ARB2A: variants seen among roughly 807,000 people sequenced by gnomAD.
ARB2A encodes ARB2 cotranscriptional regulator A, also known as cotranscriptional regulator ARB2A.
the ARB2A span, among the ~76,000 whole-genome samples, chr5:94,048,457 T>C: frequency 6.6e-6 from 1 of 152,194 alleles, no homozygotes; most frequent in East Asian, 1.9e-4. Flanking sequence ...ATTCTTTAAC[T>C]GTCAGATTTT....
chr5:93,886,438 G>T, the ARB2A span, among the ~76,000 whole-genome samples: 3 of 151,684 alleles, frequency 2.0e-5, no homozygotes, highest in Non-Finnish European at 4.4e-5. Context: ...TTTGAAAGAA[G>T]ATAGGTGCTC....
the ARB2A span, among the ~76,000 whole-genome samples, chr5:93,721,015 G>A: frequency 6.6e-6 from 1 of 151,984 alleles, no homozygotes; most frequent in South Asian, 2.1e-4. Context: ...TGTTGTGAAA[G>A]GCACAATTTT....
At chr5:93,687,885 A>G in the ARB2A span, among the ~76,000 whole-genome samples, 403 of 152,242 alleles carry the variant, frequency 2.6e-3, 2 homozygotes, top group African/African-American at 9.4e-3. Flanking sequence ...TCAGATTGCA[A>G]TCTTCCCTTT....
chr5:94,075,706 C>T, the ARB2A span, among the ~76,000 whole-genome samples: 9 of 152,108 alleles, frequency 5.9e-5, no homozygotes, highest in African/African-American at 2.2e-4. Flanking sequence ...TTCAGCAGTA[C>T]ATTTTATAAT....
At chr5:93,850,941 A>G in the ARB2A span, among the ~76,000 whole-genome samples, 1 of 152,188 alleles carries the variant, frequency 6.6e-6, no homozygotes, top group Admixed American at 6.5e-5. Flanking sequence ...TATATTTTCT[A>G]TTAAGTATGT....
the ARB2A span, among the ~76,000 whole-genome samples, chr5:94,010,418 G>T: frequency 6.6e-6 from 1 of 152,092 alleles, no homozygotes; most frequent in Admixed American, 6.5e-5. Flanking sequence ...TACATTTTAT[G>T]ACTTTAATCC....
the ARB2A span, among the ~76,000 whole-genome samples, chr5:93,708,802 C>A: frequency 6.6e-6 from 1 of 152,136 alleles, no homozygotes; most frequent in Non-Finnish European, 1.5e-5. Context: ...CATATTTATA[C>A]ATTTATTCCA....
chr5:93,912,957 A>T, the ARB2A span, among the ~76,000 whole-genome samples: 1 of 152,044 alleles, frequency 6.6e-6, no homozygotes, highest in East Asian at 1.9e-4. Context: ...TTAAGTTAAT[A>T]AACAACTGTC....
chr5:93,917,087 A>C, the ARB2A span, among the ~76,000 whole-genome samples: 6,508 of 152,254 alleles, frequency 0.043, 195 homozygotes, highest in Middle Eastern at 0.061. Flanking sequence ...AATAATGACA[A>C]ATGTATGCGT....
chr5:93,955,887 C>T, the ARB2A span, among the ~76,000 whole-genome samples: 1 of 152,154 alleles, frequency 6.6e-6, no homozygotes, highest in Admixed American at 6.5e-5. Flanking sequence ...GAGTTTCCTG[C>T]TTTTTACCCC....
the ARB2A span, chr5:93,740,023 C>T: frequency 6.6e-6 from 1 of 150,654 alleles, no homozygotes; most frequent in Non-Finnish European, 1.5e-5. Context: ...AAAAATCTTC[C>T]AAGAAAGCTC....
At chr5:94,019,060 G>T in the ARB2A span, among the ~76,000 whole-genome samples, 1 of 152,112 alleles carries the variant, frequency 6.6e-6, no homozygotes, top group Non-Finnish European at 1.5e-5. Flanking sequence ...AAGCAATGGG[G>T]AAATGATTCC....
the ARB2A span, among the ~76,000 whole-genome samples, chr5:94,021,635 C>G: frequency 2.0e-5 from 3 of 152,022 alleles, no homozygotes; most frequent in Non-Finnish European, 4.4e-5. Flanking sequence ...AACAGATGGA[C>G]AATAAGAAAC....
At chr5:93,986,065 C>T in the ARB2A span, among the ~76,000 whole-genome samples, 4 of 150,828 alleles carry the variant, frequency 2.7e-5, no homozygotes, top group Non-Finnish European at 1.5e-5. Context: ...GCGCCTCTGC[C>T]CGGCCGCCCC....
chr5:93,793,639 G>A, the ARB2A span, among the ~76,000 whole-genome samples: 1 of 152,102 alleles, frequency 6.6e-6, no homozygotes, highest in Non-Finnish European at 1.5e-5. Flanking sequence ...GAAGGTAATG[G>A]TTAGGAAGCT....
At chr5:93,665,093 CTGGGATTACAGGCA>C in the ARB2A span, among the ~76,000 whole-genome samples, 1 of 152,178 alleles carries the variant, frequency 6.6e-6, no homozygotes, top group Non-Finnish European at 1.5e-5. Flanking sequence ...TCCCAAAGTG[CTGGGATTACAGGCA>C]TGAGCCGCTG....
chr5:93,987,612 C>T, the ARB2A span, among the ~76,000 whole-genome samples: 14 of 152,250 alleles, frequency 9.2e-5, no homozygotes, highest in East Asian at 2.7e-3. Flanking sequence ...ACTACTTGCT[C>T]GGCATATCTT....
the ARB2A span, among the ~76,000 whole-genome samples, chr5:93,776,456 T>C: frequency 6.6e-6 from 1 of 152,220 alleles, no homozygotes; most frequent in Non-Finnish European, 1.5e-5. Context: ...GTTTTACTAT[T>C]CAACAAATCA....
chr5:93,634,405 A>AAC, the ARB2A span, among the ~76,000 whole-genome samples: 1 of 147,726 alleles, frequency 6.8e-6, no homozygotes, highest in African/African-American at 2.5e-5. Flanking sequence ...TCAAAAAAAA[A>AAC]CAAAAAACAA....
Sources: allele counts gnomAD v4.1 joint callset (sites outside exome capture counted in the v4.1 genomes callset), GRCh38; gene constraint gnomAD v4.1.1; transcripts MANE v1.5; gene names NCBI Gene and HGNC (gene_info 2026-07-23, HGNC 2026-07-21).